DCLK1: variants seen among roughly 807,000 people sequenced by gnomAD.
DCLK1 encodes the protein doublecortin like kinase 1.
DCLK1 carries 16 observed loss-of-function variants against 86.2 expected under a neutral mutation model. The ratio of observed to expected loss-of-function variants is 0.19; its 90% CI spans 0.13 to 0.28. The LOEUF (loss-of-function observed/expected upper bound fraction) is 0.28. DCLK1 is among the 10% of genes least tolerant of loss of function. DCLK1 has a pLI of 1.00. For synonymous variants in DCLK1, 369 were observed against 370.5 expected (o/e 1.00, Z 0.05); for missense variants, 590 against 940.2 (o/e 0.63, Z 4.87).
intron 3 of DCLK1, among the ~76,000 whole-genome samples, chr13:36,105,979 T>C (rs1389736119): frequency 2.6e-5 from 4 of 152,202 alleles, no homozygotes; most frequent in African/African-American, 7.2e-5. Context: ...ACAAAGCCAG[T>C]AGACTTGTAA....
chr13:35,782,539 G>C (rs1292577673), intron 16 of DCLK1, among the ~76,000 whole-genome samples: 1 of 152,118 alleles, frequency 6.6e-6, no homozygotes, highest in Non-Finnish European at 1.5e-5. Context: ...GCTTAGTCCT[G>C]GATTGCTAAA....
intron 3 of DCLK1, among the ~76,000 whole-genome samples, chr13:36,076,019 C>T (rs1172057603): frequency 1.1e-4 from 16 of 151,950 alleles, no homozygotes; most frequent in Non-Finnish European, 4.4e-5. Flanking sequence ...AAGCAGGCTC[C>T]GTCTCAAAAA....
At chr13:35,836,241 C>CA (rs1181525958) in intron 7 of DCLK1, 100 bp from the exon 8 acceptor site, 2 of 1,032,430 alleles carry the variant, frequency 1.9e-6, no homozygotes, top group African/African-American at 3.2e-5. Context: ...GGAATGGATT[C>CA]AGAATCAATA....
At chr13:36,061,573 T>C (rs1173337869) in intron 3 of DCLK1, among the ~76,000 whole-genome samples, 1 of 152,174 alleles carries the variant, frequency 6.6e-6, no homozygotes, top group Non-Finnish European at 1.5e-5. Flanking sequence ...AAAGAGTGAC[T>C]CACAAATAAT....
chr13:35,839,779 C>A (rs1366194662), intron 6 of DCLK1, among the ~76,000 whole-genome samples: 1 of 99,840 alleles, frequency 1.0e-5, no homozygotes, highest in Non-Finnish European at 2.0e-5. Flanking sequence ...CAATAAAAGC[C>A]TAGGCCTTGT....
At chr13:35,825,045 T>C (rs925013370) in intron 10 of DCLK1, among the ~76,000 whole-genome samples, 10 of 152,158 alleles carry the variant, frequency 6.6e-5, no homozygotes, top group Admixed American at 4.6e-4. Context: ...AGCCTGCGTG[T>C]GCACCGCCTC....
chr13:35,845,164 C>T (rs915063248), intron 6 of DCLK1, among the ~76,000 whole-genome samples: 1 of 152,154 alleles, frequency 6.6e-6, no homozygotes, highest in Non-Finnish European at 1.5e-5. Context: ...ACAAGAACCG[C>T]TTGAACCCAG....
intron 4 of DCLK1, among the ~76,000 whole-genome samples, chr13:35,920,714 T>TGCA (rs905302456): frequency 1.3e-5 from 2 of 152,056 alleles, no homozygotes; most frequent in Non-Finnish European, 2.9e-5. Flanking sequence ...GCAGGCTGGG[T>TGCA]GCAGAAGGAA....
At chr13:36,049,129 A>G (rs1189048686) in intron 3 of DCLK1, among the ~76,000 whole-genome samples, 1 of 152,186 alleles carries the variant, frequency 6.6e-6, no homozygotes, top group Non-Finnish European at 1.5e-5. Flanking sequence ...AAAACCCAAG[A>G]AAATGAAACT....
chr13:36,125,420 A>G (rs763327562), intron 2 of DCLK1, among the ~76,000 whole-genome samples: 2 of 152,342 alleles, frequency 1.3e-5, no homozygotes, highest in African/African-American at 2.4e-5. Context: ...TCGTGATAGC[A>G]AAAGTTTAAT....
intron 3 of DCLK1, among the ~76,000 whole-genome samples, chr13:35,976,777 G>A (rs970722274): frequency 2.6e-5 from 4 of 151,332 alleles, no homozygotes; most frequent in South Asian, 2.1e-4. Context: ...CTCGTGATCC[G>A]CCCGCCTCGG....
At chr13:35,912,190 G>A (rs1875081151) in intron 4 of DCLK1, among the ~76,000 whole-genome samples, 1 of 152,104 alleles carries the variant, frequency 6.6e-6, no homozygotes, top group Non-Finnish European at 1.5e-5. Context: ...GGGCTCTCAG[G>A]CAATGCTTGG....
chr13:36,028,390 A>G (rs1475000164), intron 3 of DCLK1, among the ~76,000 whole-genome samples: 2 of 152,180 alleles, frequency 1.3e-5, no homozygotes, highest in Non-Finnish European at 2.9e-5. Context: ...ATGGACTTCA[A>G]TGTTCCACGT....
intron 4 of DCLK1, among the ~76,000 whole-genome samples, chr13:35,901,968 T>C (rs1247301671): frequency 6.6e-6 from 1 of 152,058 alleles, no homozygotes; most frequent in East Asian, 1.9e-4. Flanking sequence ...GTCAGAGCAA[T>C]GGCAGAAGAA....
chr13:35,982,741 C>G (rs1045626782), intron 3 of DCLK1, among the ~76,000 whole-genome samples: 3 of 151,996 alleles, frequency 2.0e-5, no homozygotes, highest in Non-Finnish European at 2.9e-5. Context: ...GTTCAAAGTC[C>G]ATTGATTAGT....
chr13:35,782,907 C>G (rs536243670), intron 16 of DCLK1, among the ~76,000 whole-genome samples: 1 of 152,352 alleles, frequency 6.6e-6, no homozygotes, highest in Admixed American at 6.5e-5. Flanking sequence ...GTTTCTCTGA[C>G]TCAACTACTC....
chr13:36,123,718 T>C (rs1381245994), intron 2 of DCLK1, among the ~76,000 whole-genome samples: 2 of 152,230 alleles, frequency 1.3e-5, no homozygotes, highest in East Asian at 1.9e-4. Context: ...CCTAGGATCA[T>C]TGTGAGAATT....
chr13:35,955,282 A>G (rs1877918430), intron 3 of DCLK1, among the ~76,000 whole-genome samples: 2 of 152,062 alleles, frequency 1.3e-5, no homozygotes, highest in Non-Finnish European at 2.9e-5. Context: ...AAAATATCCT[A>G]GACTGGGTGG....
intron 3 of DCLK1, among the ~76,000 whole-genome samples, chr13:36,036,987 C>A (rs1252776143): frequency 6.6e-6 from 1 of 151,998 alleles, no homozygotes; most frequent in Non-Finnish European, 1.5e-5. Flanking sequence ...ATCTAAGTTT[C>A]TATCAATGGA....
Sources: allele counts gnomAD v4.1 joint callset (sites outside exome capture counted in the v4.1 genomes callset), GRCh38; gene constraint gnomAD v4.1.1; transcripts MANE v1.5; gene names NCBI Gene and HGNC (gene_info 2026-07-23, HGNC 2026-07-21).